CCNF: variants seen among roughly 807,000 people sequenced by gnomAD.
The protein encoded by CCNF is cyclin F, also known as cyclin-F.
CCNF carries 30 observed loss-of-function variants against 85.4 expected under a neutral mutation model. That is an observed-to-expected ratio of 0.35 (90% CI 0.26 to 0.48). The LOEUF (loss-of-function observed/expected upper bound fraction) is 0.48. Among genes scored for constraint, CCNF ranks in the 20% least tolerant of loss-of-function variants. The probability of loss-of-function intolerance (pLI) is 0.99; values close to 1 mark genes in which losing one functional copy is unlikely to be tolerated. For missense variants in CCNF, 919 were observed against 1,010.4 expected (o/e 0.91, Z 1.23); for synonymous variants, 439 against 425.1 (o/e 1.03, Z -0.40).
At chr16:2,437,581 G>A in intron 5 of CCNF, 1 of 435,584 alleles carries the variant, frequency 2.3e-6, no homozygotes, top group Non-Finnish European at 4.1e-6. Flanking sequence ...GCTGCATGGG[G>A]CAGTGGGAGC....
intron 10 of CCNF, among the ~76,000 whole-genome samples, chr16:2,448,228 T>C (rs552081999): frequency 6.6e-6 from 1 of 152,348 alleles, no homozygotes; most frequent in East Asian, 1.9e-4. Flanking sequence ...ACCCCACTGA[T>C]AGAGCTGTCA....
Position 2,445,508 on chromosome 16 carries a change from C to G in CCNF, c.980C>G (p.Thr327Arg). 1 of 1,612,386 alleles carries G rather than the reference C, an allele frequency of 6.2e-7. No homozygotes were observed. The highest frequency in any genetic ancestry group is 8.5e-7 in the Non-Finnish European group (1 of 1,179,746). The change falls in exon 10 of 17, where the codon ACA becomes AGA. Residue 327 changes from threonine (T) to arginine (R), a missense_variant. Thr to Arg is a moderately conservative substitution (Grantham distance 71). Transcript: ENST00000397066. ...GAAGTTGCCACCATGAAGGACTTCA[C>G]AAGCCTGTGCCTGCACCTGACCGTG... ...LVEVATMKDF[T>R]SLCLHLTVEC...
chr16:2,442,733 CATAT>C (rs796533241), intron 8 of CCNF, among the ~76,000 whole-genome samples: 4 of 11,784 alleles, frequency 3.4e-4, no homozygotes, highest in African/African-American at 1.6e-3. Context: ...TATTGTATAA[CATAT>C]AATTATATAA....
chr16:2,447,820 C>T (rs2065370391), intron 10 of CCNF, among the ~76,000 whole-genome samples: 1 of 152,164 alleles, frequency 6.6e-6, no homozygotes, highest in African/African-American at 2.4e-5. Context: ...CCTGCCCCCA[C>T]CAGCCATCTC....
chr16:2,445,585 C>T lies in CCNF; in HGVS notation c.1057C>T (p.Gln353Ter). 1 of 1,613,600 alleles carries T rather than the reference C, an allele frequency of 6.2e-7. No individual in the cohort carries two copies. The highest frequency in any genetic ancestry group is 8.5e-7 in the Non-Finnish European group (1 of 1,180,028). The change falls in exon 10 of 17, where the codon CAG (glutamine) becomes TAG (stop). Residue 353 changes from glutamine (Q) to a stop codon, truncating the protein, a stop_gained. Transcript: ENST00000397066. LOFTEE classifies it high-confidence loss of function. ...RRRLVPRYRL[Q>*]LLGIACMVIC... Reference sequence around the variant, plus strand: ...GAGGCTGGTGCCGCGGTACAGGCTCCAGCTGCTGGGCATCGCCTGCATGGT... The same window carrying T: ...GAGGCTGGTGCCGCGGTACAGGCTCTAGCTGCTGGGCATCGCCTGCATGGT...
At position 2,458,371 on chromosome 16, in the gene CCNF, C is replaced by T. The variant is rs1255604392; in HGVS notation, c.*1351C>T. On this transcript the variant is annotated 3_prime_UTR_variant, in exon 17 of 17. Transcript: ENST00000397066. ...CGCCTCCCGGATACTCCTGCCTCAG[C>T]CTCCTGGGTAGCTGGGATTACAAGC... The T allele has an allele frequency of 6.6e-6, 1 of 151,948 alleles. No individual in the cohort carries two copies. Among genetic ancestry groups the T allele is most frequent in the Non-Finnish European group, 1.5e-5 (1 of 68,004 alleles). The allele number at this position is 151,948 out of a possible 1,614,324, so 9.4% of individuals were successfully genotyped here.
In CCNF at chr16:2,452,310, C is replaced by T. The variant is rs914418678; in HGVS notation, c.1488-900C>T. Among the ~76,000 whole-genome samples the T allele has an allele frequency of 2.6e-5, 4 of 152,198 alleles. No individual in the cohort carries two copies. The highest frequency in any genetic ancestry group is 9.7e-5 in the African/African-American group (4 of 41,442). ...CCACAGGGGACCTGGTGGCATCTCC[C>T]GGGCTTTGGCATGTGCTGCTGCTCA... On this transcript the variant is annotated intron_variant, in intron 13 of 16. Transcript: ENST00000397066. This position sits in a 1 kb window ranked among gnomAD's most constrained non-coding sequence, Gnocchi z 4.1.
chr16:2,450,489 C>A (rs1262968933), intron 13 of CCNF, among the ~76,000 whole-genome samples: 4 of 146,706 alleles, frequency 2.7e-5, no homozygotes, highest in Non-Finnish European at 4.5e-5. Context: ...CCAGCCCAGG[C>A]AACGAGTGAA....
intron 15 of CCNF, 41 bp from the exon 16 acceptor site, chr16:2,455,354 C>T: frequency 2.6e-6 from 4 of 1,518,896 alleles, no homozygotes; most frequent in Non-Finnish European, 3.5e-6. Flanking sequence ...CCCAGCGCCG[C>T]CGTCCATGAC....
intron 10 of CCNF, among the ~76,000 whole-genome samples, chr16:2,447,207 C>T (rs2065366734): frequency 6.6e-6 from 1 of 152,124 alleles, no homozygotes; most frequent in Non-Finnish European, 1.5e-5. Context: ...TCCCCAACCA[C>T]AAGACCTGAT....
intron 10 of CCNF, 23 bp downstream of exon 10, chr16:2,445,645 C>A (rs1366114211): frequency 1.2e-6 from 2 of 1,605,328 alleles, no homozygotes; most frequent in Non-Finnish European, 1.7e-6. Context: ...CTTGGCCCAG[C>A]TGGCAGGGAC....
intron 2 of CCNF, among the ~76,000 whole-genome samples, 200 bp from the exon 3 acceptor site, chr16:2,432,761 C>G (rs1293950195): frequency 6.6e-6 from 1 of 152,186 alleles, no homozygotes; most frequent in African/African-American, 2.4e-5. Context: ...TGCTTTAGAA[C>G]CTCAGAGAAA....
intron 8 of CCNF, 52 bp downstream of exon 8, chr16:2,439,878 CTTGG>C: frequency 6.6e-7 from 1 of 1,507,058 alleles, no homozygotes; most frequent in Non-Finnish European, 9.2e-7. Context: ...TCCCTCCAGC[CTTGG>C]GGCAGGACTA....
chr16:2,439,180 C>G (rs1380958935), intron 6 of CCNF, among the ~76,000 whole-genome samples, 173 bp from the exon 7 acceptor site: 1 of 152,168 alleles, frequency 6.6e-6, no homozygotes, highest in Non-Finnish European at 1.5e-5. Flanking sequence ...CTCCTGTAAT[C>G]CCAGCTACTC....
chr16:2,452,878 C>A lies in CCNF; in HGVS notation c.1488-332C>A. ...ATGTGGTGTGTGTCCCTGCTTTGTT[C>A]TTTTTCATGGCTGAATAATATTCCC... On this transcript the variant is annotated intron_variant, in intron 13 of 16. Transcript: ENST00000397066. This position sits in a 1 kb window ranked among gnomAD's most constrained non-coding sequence, Gnocchi z 4.1. 1 of 340,262 alleles carries A rather than the reference C, an allele frequency of 2.9e-6. No homozygotes were observed. Among genetic ancestry groups the A allele is most frequent in the South Asian group, 3.4e-5 (1 of 29,514 alleles). The allele number at this position is 340,262 out of a possible 1,614,324, so 21.1% of individuals were successfully genotyped here.
rs574904284 is a variant in CCNF, at chr16:2,456,435, G to A, written c.1886-110G>A. On this transcript the variant is annotated intron_variant, in intron 16 of 16. Transcript: ENST00000397066. This position sits in a 1 kb window ranked among gnomAD's most constrained non-coding sequence, Gnocchi z 4.5. ...CCACAGGAGGGTAACACAGGGGACC[G>A]TAGCAAGGTAGAAGATTCTTGACCT... 5.5e-4 allele frequency: 389 copies of A among 709,270 alleles called. No individual in the cohort carries two copies. The highest frequency in any genetic ancestry group is 7.4e-4 in the Non-Finnish European group (332 of 450,302). The allele number at this position is 709,270 out of a possible 1,614,324, so 43.9% of individuals were successfully genotyped here.
At chr16:2,449,227 C>G (rs768688650) in intron 11 of CCNF, 55 bp from the exon 12 acceptor site, 2 of 1,589,564 alleles carry the variant, frequency 1.3e-6, no homozygotes, top group African/African-American at 1.3e-5. Flanking sequence ...GCATGCGGCA[C>G]TGCACCAAGG....
chr16:2,454,200 C>T (rs373869359), intron 15 of CCNF, among the ~76,000 whole-genome samples: 20 of 152,308 alleles, frequency 1.3e-4, no homozygotes, highest in East Asian at 7.7e-4. Context: ...CCTCCAGAAG[C>T]GTTGTGTCGG....
At position 2,431,160 on chromosome 16, in the gene CCNF, G is replaced by T; in HGVS notation, c.47G>T (p.Cys16Phe). ...VVHCRCAKCF[C>F]YPTKRRIRRR... ...CACTGTAGGTGTGCCAAGTGTTTCTGTTATCCTACAAAGCGAAGAATAAGG... is the reference window on the plus strand; with the variant it reads ...CACTGTAGGTGTGCCAAGTGTTTCTTTTATCCTACAAAGCGAAGAATAAGG... The change falls in exon 2 of 17, where the codon TGT becomes TTT. Residue 16 changes from cysteine to phenylalanine, a missense_variant. This residue lies in a region of CCNF where 410 missense variants were observed against 478.6 expected (regional missense o/e 0.86). Coordinates refer to ENST00000397066, the MANE Select transcript of CCNF (RefSeq NM_001761.3). 6.2e-7 allele frequency: 1 copy of T among 1,613,714 alleles called. No homozygotes were observed. Among genetic ancestry groups the T allele is most frequent in the Non-Finnish European group, 8.5e-7 (1 of 1,179,956 alleles).
Sources: allele counts gnomAD v4.1 joint callset (sites outside exome capture counted in the v4.1 genomes callset), GRCh38; gene constraint gnomAD v4.1.1; regional missense constraint gnomAD v4.1.1; non-coding constraint Gnocchi (gnomAD v3.1); transcripts MANE v1.5; gene names NCBI Gene and HGNC (gene_info 2026-07-23, HGNC 2026-07-21).